Variants in CCDC3 observed in about 807,000 individuals in gnomAD.
The protein encoded by CCDC3 is coiled-coil domain-containing protein 3.
Under a neutral mutation model 21.4 loss-of-function variants are expected in CCDC3, and 24 were observed. The observed-to-expected ratio is 1.12, with a 90% confidence interval of 0.81 to 1.58. CCDC3 has a LOEUF of 1.58. Among genes scored for constraint, CCDC3 ranks in the 40% most tolerant of loss-of-function variants. The pLI is 0.00. For synonymous variants in CCDC3, 186 were observed against 166.0 expected (o/e 1.12, Z -0.93); for missense variants, 425 against 360.9 (o/e 1.18, Z -1.44).
chr10:13,006,000 T>C (rs192941491), upstream of CCDC3, among the ~76,000 whole-genome samples: 255 of 152,314 alleles, frequency 1.7e-3, 2 homozygotes, highest in African/African-American at 6.0e-3. Flanking sequence ...CATACTGAGG[T>C]GGCAGGTCCC....
chr10:13,078,638 A>C (rs1326101693), intron 3 of CCDC3, among the ~76,000 whole-genome samples: 2 of 152,244 alleles, frequency 1.3e-5, no homozygotes, highest in Non-Finnish European at 2.9e-5. Flanking sequence ...AGACTGGATT[A>C]AGAAAATGTG....
intron 5 of CCDC3, among the ~76,000 whole-genome samples, chr10:13,012,850 C>A (rs1462094856): frequency 6.6e-6 from 1 of 151,972 alleles, no homozygotes; most frequent in Non-Finnish European, 1.5e-5. Context: ...CCCGAGATCC[C>A]CAAGTCACAA....
At chr10:13,000,182 G>A (rs1012751157) in intron 1 of CCDC3, among the ~76,000 whole-genome samples, 7 of 152,120 alleles carry the variant, frequency 4.6e-5, no homozygotes, top group Non-Finnish European at 7.3e-5. Flanking sequence ...AACTACAACC[G>A]ATCACCCCAA....
intron 2 of CCDC3, among the ~76,000 whole-genome samples, chr10:12,932,403 C>G (rs1338625463): frequency 6.7e-6 from 1 of 149,974 alleles, no homozygotes; most frequent in African/African-American, 2.4e-5. Context: ...AAAGTATAGA[C>G]TATCTCACAT....
chr10:13,082,430 G>C (rs1318595406), intron 3 of CCDC3, among the ~76,000 whole-genome samples: 1 of 152,220 alleles, frequency 6.6e-6, no homozygotes, highest in Non-Finnish European at 1.5e-5. Flanking sequence ...AGGTATACAG[G>C]GTGGAACATG....
In CCDC3 at chr10:13,008,509, G is replaced by A. The variant is rs74119578; in HGVS notation, c.-1-9997C>T. Among the ~76,000 whole-genome samples, 231 of 152,224 alleles carry A rather than the reference G, an allele frequency of 1.5e-3. 1 individual carries two copies. The highest frequency in any genetic ancestry group is 5.3e-3 in the African/African-American group (221 of 41,516). ...GGAGAATAGTTACACACAAGAGGTT[G>A]ATCAAATAAGCAAATCTATTAAGGA... On this transcript the variant is annotated intron_variant, in intron 5 of 6. Transcript: ENST00000378839.
intron 3 of CCDC3, among the ~76,000 whole-genome samples, chr10:13,088,343 G>A (rs915316603): frequency 6.6e-6 from 1 of 152,182 alleles, no homozygotes; most frequent in African/African-American, 2.4e-5. Flanking sequence ...CTATTGGAGA[G>A]CTGTAACTCT....
At position 13,001,313 on chromosome 10, in the gene CCDC3, C is replaced by A. The variant is rs778892576; in HGVS notation, c.258G>T (p.Ala86=). 2 of 1,606,094 alleles carry A rather than the reference C, an allele frequency of 1.2e-6. No homozygotes were observed. The highest frequency in any genetic ancestry group is 1.3e-5 in the African/African-American group (1 of 74,894). ...CGGGCACCTCCAGCATGCTGCCCCACGCCTGGTCGCACAGCATCTCGACCT... is the reference window on the plus strand; with the variant it reads ...CGGGCACCTCCAGCATGCTGCCCCAAGCCTGGTCGCACAGCATCTCGACCT... ...SAEVEMLCDQ[A]WGSMLEVPAG... The change falls in exon 1 of 3, where the codon GCG becomes GCT. Residue 86 remains alanine (A), a synonymous_variant. Coordinates refer to ENST00000378825, the MANE Select transcript of CCDC3 (RefSeq NM_031455.4).
chr10:12,902,357 C>T (rs946295196), intron 2 of CCDC3, among the ~76,000 whole-genome samples: 6 of 152,102 alleles, frequency 3.9e-5, no homozygotes, highest in Non-Finnish European at 8.8e-5. Context: ...GAGAAATTCC[C>T]GGGAGAACTG....
chr10:13,017,862 T>G (rs989417200), intron 5 of CCDC3, among the ~76,000 whole-genome samples: 1 of 152,034 alleles, frequency 6.6e-6, no homozygotes, highest in Non-Finnish European at 1.5e-5. Flanking sequence ...TTTGGAGACA[T>G]CACCTTTCCT....
At chr10:13,078,753 C>G (rs962114180) in intron 3 of CCDC3, among the ~76,000 whole-genome samples, 1 of 151,888 alleles carries the variant, frequency 6.6e-6, no homozygotes, top group African/African-American at 2.4e-5. Context: ...AGCAAACCAT[C>G]GCAAGGACAG....
At chr10:12,998,131 T>C (rs1835790247) in intron 2 of CCDC3, among the ~76,000 whole-genome samples, 1 of 152,176 alleles carries the variant, frequency 6.6e-6, no homozygotes, top group Non-Finnish European at 1.5e-5. Flanking sequence ...TATCCAACAG[T>C]AAAGCTTCAG....
chr10:12,930,386 CTCAT>C (rs1483623556), intron 2 of CCDC3, among the ~76,000 whole-genome samples: 1 of 152,198 alleles, frequency 6.6e-6, no homozygotes, highest in Non-Finnish European at 1.5e-5. Flanking sequence ...TTTCTGTTGA[CTCAT>C]TCTGAACAAT....
At chr10:12,981,822 A>C (rs1222038554) in intron 2 of CCDC3, among the ~76,000 whole-genome samples, 2 of 152,070 alleles carry the variant, frequency 1.3e-5, no homozygotes, top group African/African-American at 4.8e-5. Flanking sequence ...ATTATCCATG[A>C]GTTAAAAATG....
At chr10:12,958,097 G>A (rs1449878637) in intron 2 of CCDC3, among the ~76,000 whole-genome samples, 1 of 152,108 alleles carries the variant, frequency 6.6e-6, no homozygotes. Flanking sequence ...AAAGTGCTGG[G>A]ATTACAGGCT....
chr10:12,936,751 A>T (rs1335276048), intron 2 of CCDC3, among the ~76,000 whole-genome samples: 2 of 152,156 alleles, frequency 1.3e-5, no homozygotes, highest in Non-Finnish European at 2.9e-5. Context: ...GTGCAAAAAA[A>T]TTTTAGAAAC....
At chr10:13,063,107 C>T (rs1348520663) in intron 4 of CCDC3, among the ~76,000 whole-genome samples, 3 of 152,092 alleles carry the variant, frequency 2.0e-5, no homozygotes, top group Non-Finnish European at 4.4e-5. Flanking sequence ...TTACCCCCAC[C>T]CACCAAGTTA....
At chr10:12,971,150 C>G (rs1213795551) in intron 2 of CCDC3, among the ~76,000 whole-genome samples, 2 of 152,200 alleles carry the variant, frequency 1.3e-5, no homozygotes, top group Non-Finnish European at 2.9e-5. Context: ...CTGCCTCCCT[C>G]CCTGTCCCCA....
intron 2 of CCDC3, among the ~76,000 whole-genome samples, chr10:12,931,874 A>G (rs2131228064): frequency 6.6e-6 from 1 of 152,332 alleles, no homozygotes; most frequent in South Asian, 2.1e-4. Flanking sequence ...AGGACCTGTA[A>G]GTAAAACTCA....
Sources: allele counts gnomAD v4.1 joint callset (sites outside exome capture counted in the v4.1 genomes callset), GRCh38; gene constraint gnomAD v4.1.1; transcripts MANE v1.5; gene names NCBI Gene and HGNC (gene_info 2026-07-23, HGNC 2026-07-21).